Variants in ARHGAP42 observed in about 807,000 individuals in gnomAD.
The protein encoded by ARHGAP42 is Rho GTPase activating protein 42.
Under a neutral mutation model 125.0 loss-of-function variants are expected in ARHGAP42, and 63 were observed. That is an observed-to-expected ratio of 0.50 (90% CI 0.41 to 0.62). The LOEUF is 0.62. Ranked by LOEUF, ARHGAP42 falls within the 20% of genes least tolerant of loss-of-function variation. The pLI is 0.00. For missense variants in ARHGAP42, 766 were observed against 1,024.2 expected (o/e 0.75, Z 3.44); for synonymous variants, 339 against 351.0 (o/e 0.97, Z 0.38).
At chr11:100,887,118 A>G (rs1362430366) in intron 4 of ARHGAP42, among the ~76,000 whole-genome samples, 1 of 152,210 alleles carries the variant, frequency 6.6e-6, no homozygotes, top group East Asian at 1.9e-4. Context: ...GAAATAAAAT[A>G]TAATAGGAGG....
At chr11:100,965,854 TGATGTTATAACATTG>T (rs1368129152) in intron 17 of ARHGAP42, 78 bp downstream of exon 17, 18 of 1,266,442 alleles carry the variant, frequency 1.4e-5, no homozygotes, top group Non-Finnish European at 2.0e-5. Context: ...AAGTGTGTGA[TGATGTTATAACATTG>T]GTATTATAAT....
At chr11:100,722,377 T>TA (rs1408759926) in intron 1 of ARHGAP42, among the ~76,000 whole-genome samples, 1 of 150,150 alleles carries the variant, frequency 6.7e-6, no homozygotes, top group Non-Finnish European at 1.5e-5. Flanking sequence ...TGCAAAGTTT[T>TA]AAAAAAAATT....
chr11:100,719,457 G>A (rs1861721310), intron 1 of ARHGAP42, among the ~76,000 whole-genome samples: 2 of 152,162 alleles, frequency 1.3e-5, no homozygotes, highest in Non-Finnish European at 2.9e-5. Context: ...GACCTTAAGT[G>A]ATCAAGTCCG....
At chr11:100,718,385 T>C (rs1178655448) in intron 1 of ARHGAP42, among the ~76,000 whole-genome samples, 3 of 152,222 alleles carry the variant, frequency 2.0e-5, no homozygotes, top group African/African-American at 4.8e-5. Flanking sequence ...TCTGTGCAAA[T>C]GCATGCCTTT....
intron 17 of ARHGAP42, among the ~76,000 whole-genome samples, chr11:100,972,019 A>G (rs1344550596): frequency 6.6e-6 from 1 of 152,228 alleles, no homozygotes; most frequent in Non-Finnish European, 1.5e-5. Context: ...GGAAACTTGG[A>G]ATGAAACTCT....
intron 3 of ARHGAP42, among the ~76,000 whole-genome samples, chr11:100,829,131 C>T (rs1336169651): frequency 6.6e-6 from 1 of 152,074 alleles, no homozygotes; most frequent in African/African-American, 2.4e-5. Flanking sequence ...ATGCTTGTCA[C>T]ACCACAAGCA....
At chr11:100,955,104 C>G (rs1190354595) in intron 12 of ARHGAP42, among the ~76,000 whole-genome samples, 2 of 152,062 alleles carry the variant, frequency 1.3e-5, no homozygotes, top group African/African-American at 4.8e-5. Flanking sequence ...CTGTGGAAGA[C>G]TATTCTTTTT....
chr11:100,806,941 G>A lies in ARHGAP42; in HGVS notation c.312+11775G>A, dbSNP rs1156324964. 2.7e-5 allele frequency among the ~76,000 whole-genome samples: 4 copies of A among 149,772 alleles called. 1 individual carries two copies. Among genetic ancestry groups the A allele is most frequent in the South Asian group, 4.3e-4 (2 of 4,674 alleles). ...TGGCTCACTGCAACCTCTGCCTTCC[G>A]AGCTCAAGTGATTCTTGTGCCTTGA... On this transcript the variant is annotated intron_variant, in intron 3 of 23. Coordinates refer to ENST00000298815, the MANE Select transcript of ARHGAP42 (RefSeq NM_152432.4).
At chr11:100,826,933 A>AG (rs1864528118) in intron 3 of ARHGAP42, among the ~76,000 whole-genome samples, 1 of 148,606 alleles carries the variant, frequency 6.7e-6, no homozygotes, top group Non-Finnish European at 1.5e-5. Context: ...AAAAAAGAGG[A>AG]GGGTGGCAAC....
chr11:100,844,287 C>G (rs1435903416), intron 3 of ARHGAP42, among the ~76,000 whole-genome samples: 2 of 150,010 alleles, frequency 1.3e-5, no homozygotes, highest in Admixed American at 1.3e-4. Flanking sequence ...TCACCTTATG[C>G]AAAAATCAAC....
intron 7 of ARHGAP42, among the ~76,000 whole-genome samples, chr11:100,935,391 A>T (rs1220758967): frequency 6.6e-6 from 1 of 152,150 alleles, no homozygotes; most frequent in Non-Finnish European, 1.5e-5. Context: ...TTGCTAGTAA[A>T]CCAAGCTACG....
At chr11:100,888,608 T>C (rs1030385956) in intron 4 of ARHGAP42, among the ~76,000 whole-genome samples, 7 of 152,208 alleles carry the variant, frequency 4.6e-5, no homozygotes, top group Non-Finnish European at 1.0e-4. Flanking sequence ...CAATTTCCCA[T>C]TTTTATTATT....
chr11:100,759,522 C>G (rs1033568338), intron 1 of ARHGAP42, among the ~76,000 whole-genome samples: 2 of 152,080 alleles, frequency 1.3e-5, no homozygotes, highest in African/African-American at 4.8e-5. Flanking sequence ...CTGCCCTCCA[C>G]ACCTTGCTGT....
chr11:100,702,735 G>A (rs542698559), intron 1 of ARHGAP42, among the ~76,000 whole-genome samples: 11 of 148,912 alleles, frequency 7.4e-5, no homozygotes, highest in Middle Eastern at 3.2e-3. Flanking sequence ...GCAATGGCAC[G>A]ACCTCGGCTC....
At chr11:100,903,117 GCACACACACACACACA>G (rs1555021069) in intron 4 of ARHGAP42, among the ~76,000 whole-genome samples, 13 of 131,942 alleles carry the variant, frequency 9.9e-5, no homozygotes, top group Non-Finnish European at 1.3e-4. Context: ...TCCAAGATGC[GCACACACACACACACA>G]CACACACACA....
rs533338946 is a variant in ARHGAP42, at chr11:100,721,057, G to C, written c.154+33225G>C. ...GTCAAGTTTCCCCTATTAACATCTCGCATTAGTGTGGTACATTTGTTAAAA... is the reference window on the plus strand; with the variant it reads ...GTCAAGTTTCCCCTATTAACATCTCCCATTAGTGTGGTACATTTGTTAAAA... On this transcript the variant is annotated intron_variant, in intron 1 of 23. Transcript: ENST00000298815. Among the ~76,000 whole-genome samples the C allele has an allele frequency of 3.5e-4, 53 of 151,810 alleles. 1 individual carries two copies. The South Asian group carries it at 5.0e-3, about 14-fold the overall frequency.
chr11:100,974,451 A>T lies in ARHGAP42; in HGVS notation c.1711-8A>T, dbSNP rs576626897. 6.5e-6 allele frequency: 10 copies of T among 1,546,786 alleles called. No homozygotes were observed. The highest frequency in any genetic ancestry group is 4.8e-5 in the South Asian group (4 of 83,718). ...TTATTGACCTTGGTCCATTTTTCTT[A>T]TACGTAGATTTTTCATACTGCTCCA... On this transcript the variant is annotated splice_region_variant and splice_polypyrimidine_tract_variant and intron_variant, in intron 18 of 23. Coordinates refer to ENST00000298815, the MANE Select transcript of ARHGAP42 (RefSeq NM_152432.4).
At chr11:100,780,790 T>C (rs534910326) in intron 2 of ARHGAP42, among the ~76,000 whole-genome samples, 21 of 152,364 alleles carry the variant, frequency 1.4e-4, no homozygotes, top group South Asian at 1.0e-3. Flanking sequence ...GTTTAAATTT[T>C]TTTTGGAGGA....
chr11:100,972,999 T>C (rs1289320505), intron 17 of ARHGAP42, among the ~76,000 whole-genome samples, 176 bp from the exon 18 acceptor site: 1 of 152,198 alleles, frequency 6.6e-6, no homozygotes, highest in Non-Finnish European at 1.5e-5. Flanking sequence ...GTTAATGTTA[T>C]CTGTTTACAT....
Sources: gnomAD v4.1 joint callset for allele counts (sites outside exome capture counted in the v4.1 genomes callset) on GRCh38, gnomAD v4.1.1 for gene constraint, MANE v1.5 for transcripts, NCBI Gene and HGNC (gene_info 2026-07-23, HGNC 2026-07-21) for gene names.